The following TNNI3K variants were observed in gnomAD, a reference collection of about 807,000 sequenced individuals.
The protein encoded by TNNI3K is TNNI3 interacting kinase, also known as serine/threonine-protein kinase TNNI3K.
A neutral mutation model predicts 114.5 loss-of-function variants in TNNI3K; 140 were observed. The observed-to-expected ratio is 1.22, with a 90% CI of 1.07 to 1.41. TNNI3K has a LOEUF of 1.41. TNNI3K is among the 40% of genes most tolerant of loss of function. The probability of loss-of-function intolerance (pLI) is 0.00; values close to 1 mark genes in which losing one functional copy is unlikely to be tolerated. For synonymous variants in TNNI3K, 347 were observed against 347.5 expected, an observed-to-expected ratio of 1.00 and a Z score of 0.02; for missense variants, 1,125 against 1,007.6, an observed-to-expected ratio of 1.12 and a Z score of -1.58.
intron 5 of TNNI3K, among the ~76,000 whole-genome samples, chr1:74,282,362 T>C (rs906136713): frequency 4.6e-5 from 7 of 152,118 alleles, no homozygotes; most frequent in African/African-American, 1.7e-4. Context: ...TATCAAGGTG[T>C]TGGCGAATTT....
chr1:74,491,156 G>A (rs963953654), intron 22 of TNNI3K, among the ~76,000 whole-genome samples: 2 of 152,172 alleles, frequency 1.3e-5, no homozygotes, highest in African/African-American at 4.8e-5. Context: ...CATGAAAACC[G>A]GTTGAAGGAG....
chr1:74,346,997 AATT>A (rs10547855), intron 9 of TNNI3K, among the ~76,000 whole-genome samples: 4,018 of 151,452 alleles, frequency 0.027, 193 homozygotes, highest in African/African-American at 0.093. Flanking sequence ...TTTATTTATT[AATT>A]ATTATTATTA....
chr1:74,303,095 A>G (rs908224462), intron 5 of TNNI3K, among the ~76,000 whole-genome samples: 22 of 152,214 alleles, frequency 1.4e-4, no homozygotes, highest in African/African-American at 4.8e-4. Context: ...AAGTCACTTA[A>G]GAACTGTGCT....
intron 23 of TNNI3K, among the ~76,000 whole-genome samples, chr1:74,501,508 T>G (rs953608016): frequency 5.7e-5 from 6 of 104,752 alleles, no homozygotes; most frequent in South Asian, 6.2e-4. Flanking sequence ...TTGTTTGTTT[T>G]TTGAGACTGG....
intron 17 of TNNI3K, among the ~76,000 whole-genome samples, chr1:74,426,567 CT>C: frequency 6.6e-6 from 1 of 152,010 alleles, no homozygotes; most frequent in Non-Finnish European, 1.5e-5. Context: ...AATGGCATCT[CT>C]TTTTTTCTAT....
At chr1:74,390,942 A>G (rs1200137966) in intron 17 of TNNI3K, among the ~76,000 whole-genome samples, 1 of 129,586 alleles carries the variant, frequency 7.7e-6, no homozygotes, top group African/African-American at 3.0e-5. Flanking sequence ...CTAGGTAGGA[A>G]TGAAAAAAAT....
chr1:74,483,997 C>CT (rs1217518564), intron 21 of TNNI3K, among the ~76,000 whole-genome samples: 1 of 152,008 alleles, frequency 6.6e-6, no homozygotes, highest in Non-Finnish European at 1.5e-5. Context: ...AAAAATATTT[C>CT]TTTTTATTTT....
At chr1:74,366,374 A>C (rs1223840660) in intron 11 of TNNI3K, among the ~76,000 whole-genome samples, 1 of 152,004 alleles carries the variant, frequency 6.6e-6, no homozygotes, top group Non-Finnish European at 1.5e-5. Context: ...TACTCAGAGG[A>C]TCATTTGGCA....
At chr1:74,517,079 CT>C (rs1646359786) in intron 23 of TNNI3K, among the ~76,000 whole-genome samples, 1 of 152,176 alleles carries the variant, frequency 6.6e-6, no homozygotes, top group African/African-American at 2.4e-5. Flanking sequence ...TTTAATTCAG[CT>C]TTTCCCCCAC....
At chr1:74,334,562 T>C (rs1192509161) in intron 6 of TNNI3K, among the ~76,000 whole-genome samples, 1 of 152,158 alleles carries the variant, frequency 6.6e-6, no homozygotes, top group Non-Finnish European at 1.5e-5. Flanking sequence ...CAGAAGTTAT[T>C]TGGAAAGTTC....
chr1:74,257,273 A>G (rs1655372375), intron 4 of TNNI3K, among the ~76,000 whole-genome samples: 1 of 152,136 alleles, frequency 6.6e-6, no homozygotes, highest in Non-Finnish European at 1.5e-5. Context: ...CTATGATGAC[A>G]CATCTGTTAT....
chr1:74,502,903 A>G (rs993826062), intron 23 of TNNI3K, among the ~76,000 whole-genome samples: 2 of 152,150 alleles, frequency 1.3e-5, no homozygotes, highest in Non-Finnish European at 2.9e-5. Context: ...CTCTGACCAC[A>G]TTTGTAAAAG....
chr1:74,446,141 T>C (rs1666659778), intron 20 of TNNI3K, among the ~76,000 whole-genome samples: 1 of 152,136 alleles, frequency 6.6e-6, no homozygotes, highest in Admixed American at 6.5e-5. Flanking sequence ...GTTTAACTAG[T>C]TTACAGTCCC....
chr1:74,482,964 T>A (rs138159249), intron 21 of TNNI3K, among the ~76,000 whole-genome samples: 15 of 152,356 alleles, frequency 9.8e-5, no homozygotes, highest in Admixed American at 3.9e-4. Flanking sequence ...GCACAAAGTA[T>A]GTACAAAGAT....
At chr1:74,431,856 G>A (rs1478516671) in intron 17 of TNNI3K, among the ~76,000 whole-genome samples, 1 of 152,076 alleles carries the variant, frequency 6.6e-6, no homozygotes, top group Non-Finnish European at 1.5e-5. Context: ...CAAACAGCAT[G>A]GAGTATAGAA....
intron 20 of TNNI3K, among the ~76,000 whole-genome samples, chr1:74,458,281 G>A (rs975222681): frequency 2.0e-5 from 3 of 152,128 alleles, no homozygotes; most frequent in Admixed American, 6.5e-5. Context: ...TGTTTGCCAC[G>A]ATTATACTCT....
intron 21 of TNNI3K, among the ~76,000 whole-genome samples, chr1:74,474,275 A>G (rs1668075157): frequency 6.6e-6 from 1 of 152,130 alleles, no homozygotes; most frequent in Non-Finnish European, 1.5e-5. Flanking sequence ...TCTTTATAAA[A>G]TAAAGCCAGT....
intron 17 of TNNI3K, among the ~76,000 whole-genome samples, chr1:74,428,751 G>A (rs147644837): frequency 5.9e-5 from 9 of 152,134 alleles, no homozygotes; most frequent in African/African-American, 1.2e-4. Context: ...CCTGGGTAAC[G>A]TATTGAGATC....
intron 20 of TNNI3K, among the ~76,000 whole-genome samples, chr1:74,461,329 A>C (rs1003149728): frequency 1.3e-5 from 2 of 152,050 alleles, no homozygotes; most frequent in Admixed American, 1.3e-4. Flanking sequence ...AATACAAAAA[A>C]ATTAGCTGGG....
Sources: allele counts gnomAD v4.1 joint callset (sites outside exome capture counted in the v4.1 genomes callset), GRCh38; gene constraint gnomAD v4.1.1; transcripts MANE v1.5; gene names NCBI Gene and HGNC (gene_info 2026-07-23, HGNC 2026-07-21).